Variants in ZNF469 observed in about 807,000 individuals in gnomAD.
The protein encoded by ZNF469 is zinc finger protein 469.
ZNF469 carries 1 observed loss-of-function variant against 1.0 expected under a neutral mutation model. The observed-to-expected ratio is 1.00, with a 90% CI of 0.35 to 4.73. ZNF469 has a LOEUF of 4.73. ZNF469 is among the 30% of genes most tolerant of loss of function. ZNF469 has a pLI of 0.16. For missense variants in ZNF469, 6,100 were observed against 5,356.3 expected, an observed-to-expected ratio of 1.14 and a Z score of -4.33; for synonymous variants, 2,703 against 2,363.4, an observed-to-expected ratio of 1.14 and a Z score of -4.17.
the ZNF469 span, among the ~76,000 whole-genome samples, chr16:88,268,222 G>A: frequency 2.0e-4 from 31 of 152,064 alleles, no homozygotes; most frequent in African/African-American, 5.8e-4. Flanking sequence ...TGAGCCCTGC[G>A]TTCCCATGCC....
At chr16:88,194,332 G>T in the ZNF469 span, 1 of 152,208 alleles carries the variant, frequency 6.6e-6, no homozygotes, top group South Asian at 2.1e-4. Flanking sequence ...AGAGAAGGGG[G>T]TTCACCTGGG....
chr16:88,244,089 G>A, the ZNF469 span, among the ~76,000 whole-genome samples: 5 of 144,240 alleles, frequency 3.5e-5, no homozygotes, highest in African/African-American at 1.3e-4. Flanking sequence ...GGATGGATAG[G>A]TAGATGGCTG....
chr16:88,164,292 T>C, the ZNF469 span, among the ~76,000 whole-genome samples: 1 of 151,544 alleles, frequency 6.6e-6, no homozygotes, highest in South Asian at 2.1e-4. Context: ...GATGAATGAA[T>C]GGATGGGTGG....
chr16:88,357,306 C>G, the ZNF469 span, among the ~76,000 whole-genome samples: 1 of 152,230 alleles, frequency 6.6e-6, no homozygotes. Context: ...TGGTGGGGAC[C>G]AGCTGTCACT....
chr16:88,141,851 C>T, the ZNF469 span, among the ~76,000 whole-genome samples: 2 of 152,258 alleles, frequency 1.3e-5, no homozygotes, highest in Non-Finnish European at 2.9e-5. Context: ...AGGGATTCTT[C>T]CCTGCGCCTC....
At chr16:88,391,402 C>T (rs969776046) in intron 1 of ZNF469, among the ~76,000 whole-genome samples, 6 of 152,264 alleles carry the variant, frequency 3.9e-5, no homozygotes, top group African/African-American at 1.4e-4. Flanking sequence ...CCAGCATCCA[C>T]AGGCTCAAGT....
At position 88,439,243 on chromosome 16, in the gene ZNF469, GC is replaced by G. The variant is rs1906835870; in HGVS notation, c.11775del (p.Glu3926ArgfsTer15). On this transcript the variant is annotated frameshift_variant, in exon 3 of 3. Transcript: ENST00000565624. LOFTEE classifies it high-confidence loss of function. ...EPAEPHTHRT[A>X]EAQSDLLSQL... ...TGCCGAGCCACACACCCACCGGACG[GC>G]CGAGGCCCAGAGTGACCTCCTCAGC... 6.4e-7 allele frequency: 1 copy of G among 1,550,392 alleles called. No individual in the cohort carries two copies. Among genetic ancestry groups the G allele is most frequent in the Admixed American group, 2.0e-5 (1 of 50,996 alleles).
chr16:88,327,574 G>A, the ZNF469 span, among the ~76,000 whole-genome samples: 3 of 152,070 alleles, frequency 2.0e-5, no homozygotes, highest in Non-Finnish European at 4.4e-5. Flanking sequence ...CTGTGCTCAC[G>A]GTGGGCTGCG....
At chr16:88,208,779 G>T in the ZNF469 span, among the ~76,000 whole-genome samples, 99 of 133,804 alleles carry the variant, frequency 7.4e-4, no homozygotes, top group African/African-American at 2.5e-3. Context: ...GCGTGCGCGC[G>T]CACACACACA....
the ZNF469 span, among the ~76,000 whole-genome samples, chr16:88,101,530 T>A: frequency 1.4e-5 from 2 of 145,008 alleles, no homozygotes; most frequent in African/African-American, 5.0e-5. Flanking sequence ...TTGTTAAACG[T>A]GCATCTCATT....
At chr16:88,354,714 G>A in the ZNF469 span, among the ~76,000 whole-genome samples, 127 of 152,254 alleles carry the variant, frequency 8.3e-4, no homozygotes, top group African/African-American at 2.6e-3. Flanking sequence ...TCCATTCTCC[G>A]CCCAAGCAGT....
the ZNF469 span, among the ~76,000 whole-genome samples, chr16:88,250,327 C>T: frequency 6.6e-6 from 1 of 152,158 alleles, no homozygotes; most frequent in Non-Finnish European, 1.5e-5. Flanking sequence ...GTGCATTAGG[C>T]TTCTTTTGTT....
At position 88,435,021 on chromosome 16, in the gene ZNF469, G is replaced by A; in HGVS notation, c.7551G>A (p.Glu2517=). The change falls in exon 3 of 3, where the codon GAG becomes GAA. Residue 2517 remains glutamate (E), a synonymous_variant. Coordinates refer to ENST00000565624, the MANE Select transcript of ZNF469 (RefSeq NM_001367624.2). Reference sequence around the variant, plus strand: ...CCTTGCCTGCTCAGCAGCCTCTAGAGCCCCTAGCCCAAAAGTGCCAGCCGC... The same window carrying A: ...CCTTGCCTGCTCAGCAGCCTCTAGAACCCCTAGCCCAAAAGTGCCAGCCGC... The part of the protein sequence containing the change: ...PAALPAQQPL[E]PLAQKCQPPR... The A allele has an allele frequency of 6.5e-7, 1 of 1,550,360 alleles. No individual in the cohort carries two copies. Among genetic ancestry groups the A allele is most frequent in the Non-Finnish European group, 8.7e-7 (1 of 1,146,978 alleles).
chr16:88,272,700 G>T, the ZNF469 span, among the ~76,000 whole-genome samples: 1 of 150,804 alleles, frequency 6.6e-6, no homozygotes, highest in Non-Finnish European at 1.5e-5. Context: ...GTGGACGGAT[G>T]GATGAACGGG....
the ZNF469 span, among the ~76,000 whole-genome samples, chr16:88,272,874 G>T: frequency 6.7e-6 from 1 of 149,754 alleles, no homozygotes; most frequent in Non-Finnish European, 1.5e-5. Context: ...GAATGGGTGG[G>T]TGTGTGGATA....
the ZNF469 span, among the ~76,000 whole-genome samples, chr16:88,299,627 G>A: frequency 1.3e-4 from 20 of 152,318 alleles, no homozygotes; most frequent in African/African-American, 4.6e-4. Flanking sequence ...CTGTTCTGGG[G>A]CGGTGGCTGG....
the ZNF469 span, among the ~76,000 whole-genome samples, chr16:88,220,898 G>GC: frequency 2.0e-5 from 3 of 152,194 alleles, no homozygotes; most frequent in Non-Finnish European, 4.4e-5. Context: ...CTTGCCACTT[G>GC]CTCTCCGGGT....
chr16:88,435,359 A>G lies in ZNF469; in HGVS notation c.7889A>G (p.Lys2630Arg). 2 of 1,550,370 alleles carry G rather than the reference A, an allele frequency of 1.3e-6. No homozygotes were observed. The highest frequency in any genetic ancestry group is 1.7e-6 in the Non-Finnish European group (2 of 1,146,988). ...GACTCTCCTAGCCACTCAGAGGGGA[A>G]GTCAAATAAGAAAAGGGGAAAGCTG... ...TVDSPSHSEG[K>R]SNKKRGKLRG... The change falls in exon 3 of 3, where the codon AAG (lysine) becomes AGG (arginine). Residue 2630 changes from lysine to arginine, a missense_variant. By Grantham distance (26) the Lys-to-Arg change is conservative. Transcript: ENST00000565624.
At chr16:88,195,741 G>A in the ZNF469 span, among the ~76,000 whole-genome samples, 2,755 of 152,316 alleles carry the variant, frequency 0.018, 88 homozygotes, top group East Asian at 0.14. Flanking sequence ...ATGCAAAGGA[G>A]AACAGAGCCC....
Sources: gnomAD v4.1 joint callset for allele counts (sites outside exome capture counted in the v4.1 genomes callset) on GRCh38, gnomAD v4.1.1 for gene constraint, MANE v1.5 for transcripts, NCBI Gene and HGNC (gene_info 2026-07-23, HGNC 2026-07-21) for gene names.